HEATR1: variants seen among roughly 807,000 people sequenced by gnomAD.
HEATR1 encodes the protein HEAT repeat containing 1.
A neutral mutation model predicts 248.2 loss-of-function variants in HEATR1; 77 were observed. The ratio of observed to expected loss-of-function variants is 0.31; its 90% confidence interval spans 0.26 to 0.37. HEATR1 has a LOEUF of 0.37. HEATR1 is among the 10% of genes least tolerant of loss of function. HEATR1 has a pLI of 1.00. For missense variants in HEATR1, 2,420 were observed against 2,504.9 expected, an observed-to-expected ratio of 0.97 and a Z score of 0.72; for synonymous variants, 897 against 923.1, an observed-to-expected ratio of 0.97 and a Z score of 0.51.
chr1:236,562,573 T>A (rs1663161062), intron 32 of HEATR1, among the ~76,000 whole-genome samples: 1 of 152,212 alleles, frequency 6.6e-6, no homozygotes, highest in Admixed American at 6.5e-5. Context: ...TACTGTTCAG[T>A]CACATTGATC....
intron 5 of HEATR1, 92 bp downstream of exon 5, chr1:236,597,786 C>A: frequency 2.6e-6 from 2 of 759,216 alleles, no homozygotes; most frequent in Non-Finnish European, 4.3e-6. Flanking sequence ...TCCAAAGTAT[C>A]ATTGTTATTA....
rs1454233988 is a variant in HEATR1, at chr1:236,550,609, ATAT to A, written c.*290_*292del. On this transcript the variant is annotated 3_prime_UTR_variant, in exon 45 of 45. Coordinates refer to ENST00000366582, the MANE Select transcript of HEATR1 (RefSeq NM_018072.6). Reference sequence around the variant, plus strand: ...TTGGGTGCTAAAATTAACAAGTCTAATATTATTACCATCAATCAGGAAGAGAAT... The same window carrying A: ...TTGGGTGCTAAAATTAACAAGTCTAATATTACCATCAATCAGGAAGAGAAT... The A allele has an allele frequency of 6.3e-6, 2 of 318,224 alleles. No homozygotes were observed. Among genetic ancestry groups the A allele is most frequent in the Non-Finnish European group, 1.1e-5 (2 of 175,070 alleles). 19.7% of individuals were successfully genotyped at this position (318,224 alleles called of 1,614,324 possible).
Position 236,566,630 on chromosome 1 carries a change from C to A in HEATR1, c.4308+16G>T. ...GAAATCACCATTTTCCTTATCTTCC[C>A]ACCCTAGGTTCTGACCTTTTCGCCA... On this transcript the variant is annotated intron_variant, in intron 30 of 44. Transcript: ENST00000366582. The A allele has an allele frequency of 6.4e-7, 1 of 1,571,056 alleles. No homozygotes were observed. The highest frequency in any genetic ancestry group is 8.8e-7 in the Non-Finnish European group (1 of 1,142,394).
chr1:236,559,947 T>G, intron 33 of HEATR1, 110 bp from the exon 34 acceptor site: 1 of 1,142,646 alleles, frequency 8.8e-7, no homozygotes, highest in Non-Finnish European at 1.2e-6. Context: ...TAAATAATTC[T>G]GTACTAAATT....
chr1:236,593,363 T>G (rs1241736113), intron 9 of HEATR1, among the ~76,000 whole-genome samples: 2 of 151,972 alleles, frequency 1.3e-5, no homozygotes, highest in Non-Finnish European at 2.9e-5. Flanking sequence ...TTACTACACG[T>G]GTATACTCTC....
chr1:236,598,404 A>G (rs781026779), intron 4 of HEATR1, among the ~76,000 whole-genome samples: 1 of 152,220 alleles, frequency 6.6e-6, no homozygotes, highest in Non-Finnish European at 1.5e-5. Context: ...AGCGTTGTAC[A>G]TGGTATGTAA....
At chr1:236,579,324 G>A (rs1434300058) in intron 20 of HEATR1, among the ~76,000 whole-genome samples, 1 of 152,114 alleles carries the variant, frequency 6.6e-6, no homozygotes, top group Non-Finnish European at 1.5e-5. Context: ...TGCCCACAAA[G>A]GGCAATACCA....
chr1:236,576,732 G>A, intron 21 of HEATR1, 48 bp downstream of exon 21: 1 of 1,533,910 alleles, frequency 6.5e-7, no homozygotes, highest in Non-Finnish European at 8.8e-7. Flanking sequence ...AATTGCTCCA[G>A]TACACAGAGG....
chr1:236,581,457 A>G (rs1377217536), intron 19 of HEATR1, 43 bp from the exon 20 acceptor site: 1 of 1,369,000 alleles, frequency 7.3e-7, no homozygotes, highest in Middle Eastern at 2.0e-4. Context: ...TTCTTACTCA[A>G]ATAAGCTGGT....
chr1:236,595,101 G>T (rs866723589), intron 8 of HEATR1, among the ~76,000 whole-genome samples: 1 of 151,726 alleles, frequency 6.6e-6, no homozygotes. Context: ...TTCATAATTT[G>T]GATTTTTATG....
chr1:236,595,956 A>G lies in HEATR1; in HGVS notation c.833T>C (p.Phe278Ser). ...ISVKVTMENT[F>S]VNSLASQIIK... ...GATCTGTGATGCCAATGAATTCACA[A>G]AGGTATTTTCCATGGTCACTTTCAC... Residue 278 changes from phenylalanine (F) to serine (S), a missense_variant, in exon 7 of 45, where the codon TTT becomes TCT. Phe to Ser is a radical substitution (Grantham distance 155). Coordinates refer to ENST00000366582, the MANE Select transcript of HEATR1 (RefSeq NM_018072.6). 3.1e-6 allele frequency: 5 copies of G among 1,613,738 alleles called. No homozygotes were observed. The highest frequency in any genetic ancestry group is 3.4e-6 in the Non-Finnish European group (4 of 1,179,668).
intron 32 of HEATR1, among the ~76,000 whole-genome samples, chr1:236,561,712 A>G (rs79242191): frequency 0.025 from 3,743 of 152,326 alleles, 144 homozygotes; most frequent in African/African-American, 0.084. Context: ...TGTTTCAAAC[A>G]CTACATATCA....
chr1:236,562,340 T>G (rs1663151919), intron 32 of HEATR1, among the ~76,000 whole-genome samples: 1 of 152,228 alleles, frequency 6.6e-6, no homozygotes. Flanking sequence ...CCAGTCACAA[T>G]CATGTTCTCC....
At chr1:236,554,873 T>A (rs1487922020) in intron 41 of HEATR1, 121 bp from the exon 42 acceptor site, 1 of 880,794 alleles carries the variant, frequency 1.1e-6, no homozygotes, top group Non-Finnish European at 1.7e-6. Context: ...GATCTAGAAA[T>A]CATAATCAGG....
chr1:236,581,750 C>T (rs1663750844), intron 19 of HEATR1, among the ~76,000 whole-genome samples: 1 of 152,184 alleles, frequency 6.6e-6, no homozygotes, highest in African/African-American at 2.4e-5. Context: ...ACAAGTCAGG[C>T]AAGAACAGGA....
At position 236,603,203 on chromosome 1, in the gene HEATR1, G is replaced by C. The variant is rs1664371593; in HGVS notation, c.316C>G (p.Leu106Val). 1 of 1,614,024 alleles carries C rather than the reference G, an allele frequency of 6.2e-7. No individual in the cohort carries two copies. The highest frequency in any genetic ancestry group is 1.7e-5 in the Admixed American group (1 of 60,002). ...AGACACTTCTGTGCTGGCTTAAGCA[G>C]GAAGTAAGGCGACAAGTGAATAAGG... ...LFLIHLSPYF[L>V]LKPAQKCLEW... Residue 106 changes from leucine to valine, a missense_variant, in exon 3 of 45, where the codon CTG becomes GTG. Physicochemically the swap from Leu to Val is conservative, Grantham distance 32 (BLOSUM62 1). Coordinates refer to ENST00000366582, the MANE Select transcript of HEATR1 (RefSeq NM_018072.6).
chr1:236,578,739 T>C (rs1013031320), intron 20 of HEATR1, among the ~76,000 whole-genome samples: 2 of 152,210 alleles, frequency 1.3e-5, no homozygotes, highest in African/African-American at 4.8e-5. Flanking sequence ...CCTATAGTTT[T>C]TGTCTGTAGG....
Position 236,556,266 on chromosome 1 carries a change from A to G in HEATR1, c.5356-8T>C. ...TTTCTCCAGATGAATCACCTACAGG[A>G]ATATAAAAAAAGTGATCAGGGCCAC... On this transcript the variant is annotated splice_region_variant and splice_polypyrimidine_tract_variant and intron_variant, in intron 37 of 44. Coordinates refer to ENST00000366582, the MANE Select transcript of HEATR1 (RefSeq NM_018072.6). The G allele has an allele frequency of 6.2e-7, 1 of 1,613,878 alleles. No individual in the cohort carries two copies. Among genetic ancestry groups the G allele is most frequent in the Non-Finnish European group, 8.5e-7 (1 of 1,179,854 alleles).
chr1:236,594,566 G>A (rs1041520175), intron 8 of HEATR1, among the ~76,000 whole-genome samples: 1 of 152,070 alleles, frequency 6.6e-6, no homozygotes, highest in Non-Finnish European at 1.5e-5. Flanking sequence ...TTCAAAGACT[G>A]GGACATTACT....
Sources: allele counts gnomAD v4.1 joint callset (sites outside exome capture counted in the v4.1 genomes callset), GRCh38; gene constraint gnomAD v4.1.1; transcripts MANE v1.5; gene names NCBI Gene and HGNC (gene_info 2026-07-23, HGNC 2026-07-21).